TRHDE: variants seen among roughly 807,000 people sequenced by gnomAD.
TRHDE encodes the protein thyrotropin releasing hormone degrading enzyme, also known as thyrotropin-releasing hormone-degrading ectoenzyme.
In TRHDE, 72 loss-of-function variants were observed where a neutral mutation model predicts 125.7. That is an observed-to-expected ratio of 0.57 (90% confidence interval 0.47 to 0.70). The LOEUF is 0.70. TRHDE is among the 30% of genes least tolerant of loss of function. TRHDE has a pLI of 0.00. For synonymous variants in TRHDE, 509 were observed against 509.1 expected (o/e 1.00, Z 0.00); for missense variants, 1,110 against 1,327.1 (o/e 0.84, Z 2.54).
At chr12:72,250,556 T>C (rs1157687110) in intron 2 of TRHDE, among the ~76,000 whole-genome samples, 3 of 152,078 alleles carry the variant, frequency 2.0e-5, no homozygotes, top group Non-Finnish European at 4.4e-5. Flanking sequence ...AGAGAACTCA[T>C]TGTGTATAGT....
intron 3 of TRHDE, among the ~76,000 whole-genome samples, chr12:72,456,100 G>T (rs147706253): frequency 1.8e-3 from 261 of 144,184 alleles, no homozygotes; most frequent in African/African-American, 5.9e-3. Context: ...TTATATAATA[G>T]AAATATTATA....
At chr12:72,591,221 A>T (rs1305963399) in intron 12 of TRHDE, among the ~76,000 whole-genome samples, 1 of 152,232 alleles carries the variant, frequency 6.6e-6, no homozygotes, top group African/African-American at 2.4e-5. Context: ...CAACATGAGG[A>T]TTATGGAAGC....
At chr12:72,446,221 A>G (rs911383715) in intron 3 of TRHDE, among the ~76,000 whole-genome samples, 5 of 147,112 alleles carry the variant, frequency 3.4e-5, no homozygotes, top group African/African-American at 1.3e-4. Context: ...TTACATATGT[A>G]TACATGTGCC....
At position 72,287,084 on chromosome 12, in the gene TRHDE, T is replaced by A. The variant is rs1879917551; in HGVS notation, c.1188+130T>A. ...ATAGTGGAATTCTTTCTTTAATTCTTATGGGGGGGTTTTTACATATTTTAC... is the reference window on the plus strand; with the variant it reads ...ATAGTGGAATTCTTTCTTTAATTCTAATGGGGGGGTTTTTACATATTTTAC... On this transcript the variant is annotated intron_variant, in intron 2 of 18. Coordinates refer to ENST00000261180, the MANE Select transcript of TRHDE (RefSeq NM_013381.3). 3 of 997,244 alleles carry A rather than the reference T, an allele frequency of 3.0e-6. No homozygotes were observed. The African/African-American group carries it at 4.9e-5, about 16-fold the overall frequency. 61.8% of individuals were successfully genotyped at this position (997,244 alleles called of 1,614,324 possible).
chr12:72,637,428 A>T (rs1228672062), intron 15 of TRHDE, among the ~76,000 whole-genome samples: 1 of 151,254 alleles, frequency 6.6e-6, no homozygotes, highest in African/African-American at 2.4e-5. Context: ...CGGTCTATCA[A>T]TTTTGTTGAT....
intron 2 of TRHDE, among the ~76,000 whole-genome samples, chr12:72,140,724 C>T (rs1489053819): frequency 6.6e-6 from 1 of 152,162 alleles, no homozygotes; most frequent in African/African-American, 2.4e-5. Flanking sequence ...GATGGCATGG[C>T]CTAGTACTTA....
At chr12:72,380,343 AT>A (rs1872085930) in intron 3 of TRHDE, among the ~76,000 whole-genome samples, 1 of 152,218 alleles carries the variant, frequency 6.6e-6, no homozygotes, top group Non-Finnish European at 1.5e-5. Flanking sequence ...TTTGTAGCAT[AT>A]CAGATTGGAG....
chr12:72,408,720 C>G (rs1873369291), intron 3 of TRHDE, among the ~76,000 whole-genome samples: 4 of 152,116 alleles, frequency 2.6e-5, no homozygotes, highest in Non-Finnish European at 5.9e-5. Flanking sequence ...CCAAATCAAA[C>G]TTTTACAAAA....
intron 2 of TRHDE, among the ~76,000 whole-genome samples, chr12:72,241,082 A>G (rs1468966122): frequency 4.6e-5 from 7 of 151,904 alleles, no homozygotes; most frequent in African/African-American, 9.7e-5. Context: ...AAGGACTCCT[A>G]TTTGTTTTAA....
In TRHDE at chr12:72,431,359, A is replaced by G. The variant is rs12811452; in HGVS notation, c.1316-38399A>G. Among the ~76,000 whole-genome samples the G allele has an allele frequency of 4.4e-3, 666 of 152,336 alleles. 2 individuals carry two copies. Among genetic ancestry groups the G allele is most frequent in the Non-Finnish European group, 6.6e-3 (452 of 68,022 alleles). ...GTTAATAAGAAATTTACTTATTTTA[A>G]AAACAAGCCAAATGCTGACATTGTG... On this transcript the variant is annotated intron_variant, in intron 3 of 18. Transcript: ENST00000261180.
At chr12:72,521,244 A>G (rs976975178) in intron 6 of TRHDE, among the ~76,000 whole-genome samples, 7 of 152,232 alleles carry the variant, frequency 4.6e-5, no homozygotes, top group Non-Finnish European at 8.8e-5. Flanking sequence ...TCATGATTTC[A>G]TAATTCCCAA....
At chr12:72,238,315 T>TATATATACACACACACATATAC (rs1878393164) in intron 2 of TRHDE, among the ~76,000 whole-genome samples, 1 of 32,034 alleles carries the variant, frequency 3.1e-5, no homozygotes, top group African/African-American at 1.2e-4. Context: ...TATATATATA[T>TATATATACACACACACATATAC]ATATATACAT....
chr12:72,608,631 A>G (rs1471771697), intron 12 of TRHDE, among the ~76,000 whole-genome samples: 1 of 152,172 alleles, frequency 6.6e-6, no homozygotes, highest in Admixed American at 6.5e-5. Flanking sequence ...CCAAAGGCTA[A>G]AAGGAGTATT....
At chr12:72,537,395 A>G (rs935856399) in intron 6 of TRHDE, among the ~76,000 whole-genome samples, 3 of 151,932 alleles carry the variant, frequency 2.0e-5, no homozygotes, top group Non-Finnish European at 2.9e-5. Context: ...ACTGTTACTC[A>G]TGATAGTAAT....
intron 15 of TRHDE, among the ~76,000 whole-genome samples, chr12:72,629,884 T>G (rs1040066737): frequency 6.6e-6 from 1 of 151,580 alleles, no homozygotes; most frequent in Non-Finnish European, 1.5e-5. Flanking sequence ...AGACTGATTC[T>G]ATACATATAA....
intron 1 of TRHDE, among the ~76,000 whole-genome samples, chr12:72,089,456 C>G (rs1874742108): frequency 6.6e-6 from 1 of 152,214 alleles, no homozygotes; most frequent in South Asian, 2.1e-4. Flanking sequence ...TTTTTGCTCT[C>G]TTCCTATCTC....
intron 2 of TRHDE, among the ~76,000 whole-genome samples, chr12:72,247,739 G>C (rs1007754495): frequency 6.6e-6 from 1 of 150,850 alleles, no homozygotes; most frequent in Non-Finnish European, 1.5e-5. Flanking sequence ...GTGTAGATTA[G>C]GGTTATTTTG....
chr12:72,286,649 T>C (rs745548831), intron 1 of TRHDE, 32 bp from the exon 2 acceptor site: 1 of 1,599,314 alleles, frequency 6.3e-7, no homozygotes, highest in Admixed American at 1.7e-5. Context: ...ACAACATAAA[T>C]GTAATTGAGA....
In TRHDE at chr12:72,272,883, C is replaced by G; in HGVS notation, c.240C>G (p.Ala80=). Residue 80 remains alanine, a synonymous_variant, in exon 1 of 19, where the codon GCC becomes GCG. Transcript: ENST00000261180. The surrounding 1 kb of genome is among the most constrained non-coding windows in gnomAD (Gnocchi z 6.7). ...CCCGCACCACGGAGCGCCACATCGC[C>G]GTACACAAGCGGCTTGTGCTGGCCT... ...VRPRTTERHI[A]VHKRLVLAFA... is the part of the protein sequence containing the mutation. 5 of 1,579,926 alleles carry G rather than the reference C, an allele frequency of 3.2e-6. No homozygotes were observed. The highest frequency in any genetic ancestry group is 4.3e-6 in the Non-Finnish European group (5 of 1,170,972).
Sources: gnomAD v4.1 joint callset for allele counts (sites outside exome capture counted in the v4.1 genomes callset) on GRCh38, gnomAD v4.1.1 for gene constraint, Gnocchi (gnomAD v3.1) non-coding constraint, MANE v1.5 for transcripts, NCBI Gene and HGNC (gene_info 2026-07-23, HGNC 2026-07-21) for gene names.